The following CAMK2D variants were observed in gnomAD, a reference collection of about 807,000 sequenced individuals.
CAMK2D encodes the protein calcium/calmodulin-dependent protein kinase type II subunit delta.
In CAMK2D, 37 loss-of-function variants were observed where a neutral mutation model predicts 84.0. The ratio of observed to expected loss-of-function variants is 0.44; its 90% confidence interval spans 0.34 to 0.58. CAMK2D has a LOEUF of 0.58. Among genes scored for constraint, CAMK2D ranks in the 20% least tolerant of loss-of-function variants. The pLI, the probability that CAMK2D is intolerant of heterozygous loss-of-function variation, is 0.02. For synonymous variants in CAMK2D, 202 were observed against 212.5 expected, an observed-to-expected ratio of 0.95 and a Z score of 0.43; for missense variants, 448 against 652.5, an observed-to-expected ratio of 0.69 and a Z score of 3.41.
In CAMK2D at chr4:113,663,749, C is replaced by T. The variant is rs911145227; in HGVS notation, c.161-1977G>A. ...AAATCATCTGAAAAATATATAATTA[C>T]ATTAAAATAAAGAATAAAAAGGAAG... On this transcript the variant is annotated intron_variant, in intron 2 of 20. Coordinates refer to ENST00000511664, the MANE Select transcript of CAMK2D (RefSeq NM_001321571.2). Among the ~76,000 whole-genome samples, 3 of 151,084 alleles carry T rather than the reference C, an allele frequency of 2.0e-5. No individual in the cohort carries two copies. The East Asian group carries it at 5.8e-4, about 29-fold the overall frequency.
intron 2 of CAMK2D, among the ~76,000 whole-genome samples, chr4:113,756,402 G>A (rs1453337513): frequency 6.6e-6 from 1 of 151,850 alleles, no homozygotes; most frequent in Non-Finnish European, 1.5e-5. Flanking sequence ...CAGAGTCATG[G>A]AATTTCAAAT....
chr4:113,475,760 C>T (rs1231686542), intron 16 of CAMK2D, among the ~76,000 whole-genome samples: 1 of 152,204 alleles, frequency 6.6e-6, no homozygotes, highest in African/African-American at 2.4e-5. Context: ...CATCTCCGAT[C>T]ATTGTACTTT....
At chr4:113,697,314 A>G (rs184960322) in intron 2 of CAMK2D, among the ~76,000 whole-genome samples, 1 of 152,272 alleles carries the variant, frequency 6.6e-6, no homozygotes, top group Admixed American at 6.6e-5. Flanking sequence ...GCTTAAGGAC[A>G]TAGATAGTTA....
chr4:113,752,432 AT>A (rs1278871426), intron 2 of CAMK2D, among the ~76,000 whole-genome samples: 1 of 152,056 alleles, frequency 6.6e-6, no homozygotes, highest in Non-Finnish European at 1.5e-5. Flanking sequence ...ACAATTTTAT[AT>A]TTTTCTTTAA....
chr4:113,656,227 G>A (rs2099199513), intron 3 of CAMK2D, among the ~76,000 whole-genome samples: 1 of 152,108 alleles, frequency 6.6e-6, no homozygotes, highest in Non-Finnish European at 1.5e-5. Flanking sequence ...TCCAGTTTGA[G>A]GTTCAAACAA....
At chr4:113,740,340 T>C (rs982723204) in intron 2 of CAMK2D, among the ~76,000 whole-genome samples, 6 of 151,828 alleles carry the variant, frequency 4.0e-5, no homozygotes, top group Non-Finnish European at 8.8e-5. Flanking sequence ...CATGCTATAC[T>C]ATGGATGCAC....
At chr4:113,583,242 C>CAA (rs34153548) in intron 4 of CAMK2D, among the ~76,000 whole-genome samples, 3 of 151,928 alleles carry the variant, frequency 2.0e-5, no homozygotes, top group Admixed American at 6.6e-5. Flanking sequence ...TCATAGGGCA[C>CAA]AAAAAATGCA....
chr4:113,712,535 A>G (rs983910176), intron 2 of CAMK2D, among the ~76,000 whole-genome samples: 3 of 152,130 alleles, frequency 2.0e-5, no homozygotes, highest in Admixed American at 2.0e-4. Context: ...CTCAAATTAC[A>G]TAATTTGAAA....
intron 4 of CAMK2D, among the ~76,000 whole-genome samples, chr4:113,576,289 A>G (rs2098781840): frequency 6.6e-6 from 1 of 152,212 alleles, no homozygotes. Flanking sequence ...AGTCCCATTA[A>G]CTTATTGGCA....
chr4:113,612,993 C>T (rs2099006684), intron 3 of CAMK2D, among the ~76,000 whole-genome samples: 2 of 152,138 alleles, frequency 1.3e-5, no homozygotes, highest in South Asian at 4.1e-4. Context: ...TAAATATTAG[C>T]TCCATAAAGA....
At chr4:113,559,568 A>G (rs2098688535) in intron 4 of CAMK2D, among the ~76,000 whole-genome samples, 2 of 152,260 alleles carry the variant, frequency 1.3e-5, no homozygotes, top group African/African-American at 4.8e-5. Context: ...ACATGTACTG[A>G]AACAGCCTAG....
chr4:113,554,273 C>A (rs1236562230), intron 4 of CAMK2D, among the ~76,000 whole-genome samples: 1 of 151,948 alleles, frequency 6.6e-6, no homozygotes, highest in Non-Finnish European at 1.5e-5. Context: ...TCATGCTATC[C>A]ATTTCATTTA....
rs114734601 is a variant in CAMK2D, at chr4:113,478,212, G to C, written c.1136-12608C>G. 4.1e-3 allele frequency among the ~76,000 whole-genome samples: 625 copies of C among 152,252 alleles called. 8 individuals are homozygous for C. Among genetic ancestry groups the C allele is most frequent in the African/African-American group, 0.014 (601 of 41,556 alleles). On this transcript the variant is annotated intron_variant, in intron 16 of 20. Transcript: ENST00000511664. ...GTTATCGCTGGCACTTGCATAGTCAGATTACAACCACACAGCACTTACCGA... is the reference window on the plus strand; with the variant it reads ...GTTATCGCTGGCACTTGCATAGTCACATTACAACCACACAGCACTTACCGA...
intron 4 of CAMK2D, among the ~76,000 whole-genome samples, chr4:113,571,551 A>T (rs552380549): frequency 6.6e-6 from 1 of 152,340 alleles, no homozygotes; most frequent in East Asian, 1.9e-4. Flanking sequence ...TAAATACTGC[A>T]TGATCTAACT....
At chr4:113,760,971 G>C (rs1651452824) in intron 1 of CAMK2D, 33 bp downstream of exon 1, 2 of 1,613,822 alleles carry the variant, frequency 1.2e-6, no homozygotes, top group East Asian at 2.2e-5. Context: ...CAGCTGGAAA[G>C]GGGATATGCG....
At chr4:113,515,041 C>G in intron 10 of CAMK2D, 28 bp downstream of exon 10, 12 of 1,601,946 alleles carry the variant, frequency 7.5e-6, no homozygotes, top group Non-Finnish European at 1.0e-5. Context: ...CATTTTAGTT[C>G]TTGAAGTTTT....
intron 17 of CAMK2D, among the ~76,000 whole-genome samples, chr4:113,461,880 T>C (rs1259058667): frequency 6.6e-6 from 1 of 152,184 alleles, no homozygotes; most frequent in South Asian, 2.1e-4. Context: ...CAGTACTGTT[T>C]ATAGAACGTG....
chr4:113,606,737 T>C (rs962399161), intron 4 of CAMK2D, among the ~76,000 whole-genome samples: 2 of 152,002 alleles, frequency 1.3e-5, no homozygotes, highest in African/African-American at 4.8e-5. Flanking sequence ...GTCCAAAAGT[T>C]TCCCAGGTTT....
rs755850795 is a variant in CAMK2D at position 113,601,683 on chromosome 4, C to CTTTTTTTTTTTTTTTTTTT, written c.275+7450_275+7468dup. Among the ~76,000 whole-genome samples, 14 of 45,834 alleles carry CTTTTTTTTTTTTTTTTTTT rather than the reference C, an allele frequency of 3.1e-4. 1 individual carries two copies. The highest frequency in any genetic ancestry group is 4.3e-4 in the Non-Finnish European group (11 of 25,522). The allele number at this position is 45,834 out of a possible 152,430, so 30.1% of individuals were successfully genotyped here. A position where few individuals can be genotyped will look rare whatever the true frequency, so the allele number is the denominator to read the frequency against. Reference sequence around the variant, plus strand: ...ATTTTATGTAGATTAACTGTTTATTCTTTTTTTTTTTTTTTTTTTTTTTTT... The same window carrying CTTTTTTTTTTTTTTTTTTT: ...ATTTTATGTAGATTAACTGTTTATTCTTTTTTTTTTTTTTTTTTTTTTTTTTTTTTTTTTTTTTTTTTTT... On this transcript the variant is annotated intron_variant, in intron 4 of 20. Coordinates refer to ENST00000511664, the MANE Select transcript of CAMK2D (RefSeq NM_001321571.2).
Sources: gnomAD v4.1 joint callset for allele counts (sites outside exome capture counted in the v4.1 genomes callset) on GRCh38, gnomAD v4.1.1 for gene constraint, MANE v1.5 for transcripts, NCBI Gene and HGNC (gene_info 2026-07-23, HGNC 2026-07-21) for gene names.